PVT1: variants seen among roughly 807,000 people sequenced by gnomAD.
PVT1 encodes the protein CXCR4/PVT1 fusion.
At chr8:128,076,566 C>A (rs545272593) in intron 5 of PVT1, among the ~76,000 whole-genome samples, 1 of 152,176 alleles carries the variant, frequency 6.6e-6, no homozygotes, top group Non-Finnish European at 1.5e-5. Context: ...GGTTGTGGAC[C>A]CCTGAATTCT....
chr8:128,058,646 A>G (rs1047904420), intron 4 of PVT1, among the ~76,000 whole-genome samples: 3 of 152,228 alleles, frequency 2.0e-5, no homozygotes, highest in African/African-American at 2.4e-5. Flanking sequence ...CAGTGTTGGT[A>G]TGAATATTCC....
At chr8:128,053,129 A>T (rs1813718626) in intron 4 of PVT1, among the ~76,000 whole-genome samples, 1 of 152,214 alleles carries the variant, frequency 6.6e-6, no homozygotes, top group Non-Finnish European at 1.5e-5. Context: ...AGTAAAGAGG[A>T]GGGGACCTGG....
chr8:127,998,122 T>C (rs550851112), intron 4 of PVT1: 1 of 152,362 alleles, frequency 6.6e-6, no homozygotes, highest in South Asian at 2.1e-4. Context: ...GCTGTAGTGG[T>C]TGTCAGGTTT....
chr8:127,977,224 A>G (rs1816831720), intron 3 of PVT1, among the ~76,000 whole-genome samples: 2 of 152,164 alleles, frequency 1.3e-5, no homozygotes, highest in South Asian at 4.2e-4. Flanking sequence ...AGAAATAAGG[A>G]TGTGCAGTAG....
At chr8:128,023,864 G>A (rs1295899717) in intron 4 of PVT1, among the ~76,000 whole-genome samples, 1 of 152,194 alleles carries the variant, frequency 6.6e-6, no homozygotes, top group Non-Finnish European at 1.5e-5. Context: ...CTTGACATCA[G>A]TATCAGTTTG....
intron 4 of PVT1, among the ~76,000 whole-genome samples, chr8:128,006,658 C>T (rs1361332872): frequency 6.6e-6 from 1 of 152,166 alleles, no homozygotes; most frequent in Non-Finnish European, 1.5e-5. Context: ...TTTTCTACTT[C>T]CATCATTACT....
At chr8:128,044,038 A>G (rs1038260285) in intron 4 of PVT1, among the ~76,000 whole-genome samples, 2 of 143,960 alleles carry the variant, frequency 1.4e-5, no homozygotes, top group Non-Finnish European at 3.0e-5. Context: ...TTTGTAGAGA[A>G]GGGGTCTCAC....
chr8:127,919,588 G>A (rs1482835266), intron 3 of PVT1, among the ~76,000 whole-genome samples: 1 of 152,168 alleles, frequency 6.6e-6, no homozygotes, highest in Non-Finnish European at 1.5e-5. Flanking sequence ...CTCTATTGGC[G>A]ACTGTGGCAT....
intron 4 of PVT1, among the ~76,000 whole-genome samples, chr8:128,055,340 T>G (rs565771663): frequency 5.9e-5 from 9 of 152,350 alleles, no homozygotes; most frequent in Admixed American, 4.6e-4. Flanking sequence ...CTCCAAGAAC[T>G]GCCAATGCTG....
At chr8:127,854,304 C>T (rs1311144545) in intron 2 of PVT1, among the ~76,000 whole-genome samples, 2 of 152,226 alleles carry the variant, frequency 1.3e-5, no homozygotes, top group African/African-American at 4.8e-5. Context: ...TGGCACAAGA[C>T]CCCCTGCTCC....
At chr8:128,096,260 A>G (rs1814427591) in intron 5 of PVT1, among the ~76,000 whole-genome samples, 1 of 152,196 alleles carries the variant, frequency 6.6e-6, no homozygotes, top group Non-Finnish European at 1.5e-5. Context: ...CAGTTTTTCA[A>G]TCTGTAAAAT....
intron 2 of PVT1, among the ~76,000 whole-genome samples, chr8:127,814,176 A>G (rs1224651923): frequency 6.6e-6 from 1 of 152,198 alleles, no homozygotes; most frequent in Non-Finnish European, 1.5e-5. Flanking sequence ...GAGAATAGAG[A>G]GATTTCCTGG....
At chr8:127,986,527 C>A (rs1040805089) in intron 3 of PVT1, among the ~76,000 whole-genome samples, 5 of 152,222 alleles carry the variant, frequency 3.3e-5, no homozygotes, top group African/African-American at 7.2e-5. Flanking sequence ...TGGGGGCAGC[C>A]ACCTGACCCT....
chr8:127,833,320 A>G (rs1177535126), intron 2 of PVT1, among the ~76,000 whole-genome samples: 1 of 152,116 alleles, frequency 6.6e-6, no homozygotes, highest in East Asian at 1.9e-4. Flanking sequence ...TGGAACTGGA[A>G]TGTGGCTGCA....
intron 2 of PVT1, among the ~76,000 whole-genome samples, chr8:127,848,797 C>G (rs986552667): frequency 6.6e-6 from 1 of 152,216 alleles, no homozygotes; most frequent in Non-Finnish European, 1.5e-5. Context: ...GCTGTGGGAA[C>G]AGTTGTGCTC....
chr8:128,005,906 C>T (rs1817241034), intron 4 of PVT1, among the ~76,000 whole-genome samples: 1 of 151,994 alleles, frequency 6.6e-6, no homozygotes, highest in South Asian at 2.1e-4. Context: ...GAGTTCGAGG[C>T]CAAGCAGCCA....
intron 3 of PVT1, among the ~76,000 whole-genome samples, chr8:127,961,830 A>T (rs1816646365): frequency 6.6e-6 from 1 of 152,210 alleles, no homozygotes; most frequent in Non-Finnish European, 1.5e-5. Flanking sequence ...GGAGCTCCAG[A>T]GGCCCCCCCT....
At chr8:127,985,715 G>A (rs1816961863) in intron 3 of PVT1, among the ~76,000 whole-genome samples, 1 of 152,178 alleles carries the variant, frequency 6.6e-6, no homozygotes, top group Admixed American at 6.5e-5. Flanking sequence ...CCCAAAGCTG[G>A]AGCTTGCACT....
At chr8:127,897,961 A>T (rs1440810618) in intron 3 of PVT1, among the ~76,000 whole-genome samples, 1 of 150,622 alleles carries the variant, frequency 6.6e-6, no homozygotes, top group African/African-American at 2.4e-5. Flanking sequence ...GAAGGAAGGA[A>T]AGAAGGAAGG....
Sources: allele counts gnomAD v4.1 joint callset (sites outside exome capture counted in the v4.1 genomes callset), GRCh38; gene constraint gnomAD v4.1.1; transcripts MANE v1.5; gene names NCBI Gene and HGNC (gene_info 2026-07-23, HGNC 2026-07-21).